The following TAFA1 variants were observed in gnomAD, a reference collection of about 807,000 sequenced individuals.
The protein encoded by TAFA1 is chemokine-like protein TAFA-1.
In TAFA1, 4 loss-of-function variants were observed where a neutral mutation model predicts 18.5. The ratio of observed to expected loss-of-function variants is 0.22; its 90% confidence interval spans 0.11 to 0.49. The LOEUF is 0.49. Among genes scored for constraint, TAFA1 ranks in the 20% least tolerant of loss-of-function variants. The pLI is 0.98. For missense variants in TAFA1, 147 were observed against 169.0 expected, an observed-to-expected ratio of 0.87 and a Z score of 0.72; for synonymous variants, 56 against 55.2, an observed-to-expected ratio of 1.01 and a Z score of -0.06.
intron 2 of TAFA1, among the ~76,000 whole-genome samples, chr3:68,091,755 A>G (rs546175138): frequency 2.0e-5 from 3 of 152,258 alleles, no homozygotes; most frequent in Admixed American, 2.0e-4. Flanking sequence ...TGGCTAACCC[A>G]AACGATTTCA....
intron 2 of TAFA1, among the ~76,000 whole-genome samples, chr3:68,344,362 T>C (rs1294824588): frequency 6.6e-6 from 1 of 152,162 alleles, no homozygotes; most frequent in East Asian, 1.9e-4. Context: ...CTTACTAAAG[T>C]TTGGGAACCT....
At chr3:68,530,568 C>A (rs2073174576) in intron 3 of TAFA1, among the ~76,000 whole-genome samples, 1 of 152,132 alleles carries the variant, frequency 6.6e-6, no homozygotes, top group Non-Finnish European at 1.5e-5. Context: ...CCTTAAAGAT[C>A]TTCTTTCATA....
intron 2 of TAFA1, among the ~76,000 whole-genome samples, chr3:68,314,415 T>C (rs563865527): frequency 2.6e-5 from 4 of 152,202 alleles, no homozygotes; most frequent in African/African-American, 4.8e-5. Context: ...ACATAATCAT[T>C]CCTGTCACTT....
chr3:68,540,037 A>C (rs1229329350), intron 4 of TAFA1, among the ~76,000 whole-genome samples: 1 of 152,092 alleles, frequency 6.6e-6, no homozygotes, highest in Admixed American at 6.5e-5. Context: ...CCCACCCCTT[A>C]TTATTAATCT....
At chr3:68,492,909 G>A (rs2072478315) in intron 3 of TAFA1, among the ~76,000 whole-genome samples, 1 of 152,140 alleles carries the variant, frequency 6.6e-6, no homozygotes, top group South Asian at 2.1e-4. Context: ...TGAATATACA[G>A]ATTTCTTGGC....
chr3:68,267,051 C>A (rs534338741), intron 2 of TAFA1, among the ~76,000 whole-genome samples: 1 of 152,192 alleles, frequency 6.6e-6, no homozygotes, highest in South Asian at 2.1e-4. Context: ...GCAAATAATC[C>A]TCCTCCCTAG....
At chr3:68,201,436 A>G (rs2066468989) in intron 2 of TAFA1, among the ~76,000 whole-genome samples, 1 of 151,396 alleles carries the variant, frequency 6.6e-6, no homozygotes, top group Non-Finnish European at 1.5e-5. Context: ...GTCCTTTCTG[A>G]TTTTCTGCCT....
At chr3:68,496,459 C>T (rs990670415) in intron 3 of TAFA1, among the ~76,000 whole-genome samples, 45 of 152,126 alleles carry the variant, frequency 3.0e-4, no homozygotes, top group African/African-American at 9.2e-4. Flanking sequence ...GAAGCCCAAG[C>T]CACCTGGAGA....
intron 2 of TAFA1, among the ~76,000 whole-genome samples, chr3:68,054,663 A>G (rs1243922268): frequency 6.6e-6 from 1 of 152,212 alleles, no homozygotes; most frequent in African/African-American, 2.4e-5. Context: ...CTACAACAGC[A>G]GAGGTGAATA....
At chr3:68,352,762 G>A (rs564660649) in intron 2 of TAFA1, among the ~76,000 whole-genome samples, 1 of 152,174 alleles carries the variant, frequency 6.6e-6, no homozygotes, top group Admixed American at 6.5e-5. Flanking sequence ...TGCATGGAAG[G>A]CTGTTGTCCC....
intron 3 of TAFA1, among the ~76,000 whole-genome samples, chr3:68,530,072 T>C: frequency 6.6e-6 from 1 of 152,206 alleles, no homozygotes. Flanking sequence ...ATCTAAACTG[T>C]CATCTTTGAG....
chr3:68,104,199 T>C (rs1344902365), intron 2 of TAFA1, among the ~76,000 whole-genome samples: 1 of 152,160 alleles, frequency 6.6e-6, no homozygotes, highest in East Asian at 1.9e-4. Context: ...TTAAAAAAAC[T>C]CAGATTAATA....
intron 2 of TAFA1, among the ~76,000 whole-genome samples, chr3:68,009,237 G>A (rs907086492): frequency 3.3e-5 from 5 of 152,102 alleles, no homozygotes; most frequent in Admixed American, 6.5e-5. Flanking sequence ...ATACAGTACC[G>A]TTTGTAACAA....
intron 2 of TAFA1, among the ~76,000 whole-genome samples, chr3:68,218,024 C>T (rs919287966): frequency 6.6e-6 from 1 of 151,990 alleles, no homozygotes; most frequent in African/African-American, 2.4e-5. Flanking sequence ...GCATCTGAAG[C>T]ACTTCTTATG....
At chr3:68,147,002 T>A (rs1010121999) in intron 2 of TAFA1, among the ~76,000 whole-genome samples, 3 of 149,542 alleles carry the variant, frequency 2.0e-5, no homozygotes, top group Admixed American at 2.0e-4. Context: ...AAATACCTCT[T>A]GTGTGTGTAT....
intron 2 of TAFA1, among the ~76,000 whole-genome samples, chr3:68,133,275 C>A (rs1327206582): frequency 1.3e-5 from 2 of 151,966 alleles, no homozygotes; most frequent in African/African-American, 4.8e-5. Flanking sequence ...TGTAACCTTA[C>A]AGTATAGTTT....
At chr3:68,197,993 C>A (rs1021586851) in intron 2 of TAFA1, among the ~76,000 whole-genome samples, 1 of 151,620 alleles carries the variant, frequency 6.6e-6, no homozygotes. Context: ...ACCCTCAGGG[C>A]TTACCATGTA....
At chr3:68,425,110 T>G (rs1275943098) in intron 3 of TAFA1, among the ~76,000 whole-genome samples, 1 of 151,986 alleles carries the variant, frequency 6.6e-6, no homozygotes. Flanking sequence ...TTGGAAATCA[T>G]CTAGAGAGCT....
At chr3:68,164,764 C>T (rs1277432930) in intron 2 of TAFA1, among the ~76,000 whole-genome samples, 1 of 151,800 alleles carries the variant, frequency 6.6e-6, no homozygotes, top group Non-Finnish European at 1.5e-5. Context: ...TGTATTTTTC[C>T]TGCAATTCTA....
Sources: gnomAD v4.1 joint callset for allele counts (sites outside exome capture counted in the v4.1 genomes callset) on GRCh38, gnomAD v4.1.1 for gene constraint, MANE v1.5 for transcripts, NCBI Gene and HGNC (gene_info 2026-07-23, HGNC 2026-07-21) for gene names.